The following MKI67 variants were observed in gnomAD, a reference collection of about 807,000 sequenced individuals.
MKI67 encodes the protein marker of proliferation Ki-67, also known as proliferation marker protein Ki-67.
MKI67 carries 152 observed loss-of-function variants against 233.5 expected under a neutral mutation model. The observed-to-expected ratio is 0.65, with a 90% confidence interval of 0.57 to 0.74. The LOEUF (loss-of-function observed/expected upper bound fraction) is 0.74, where lower values mean the gene tolerates loss of function less well. Among genes scored for constraint, MKI67 ranks in the 30% least tolerant of loss-of-function variants. The probability of loss-of-function intolerance (pLI) is 0.00; values close to 1 mark genes in which losing one functional copy is unlikely to be tolerated. For missense variants in MKI67, 3,940 were observed against 3,885.2 expected, an observed-to-expected ratio of 1.01 and a Z score of -0.37; for synonymous variants, 1,465 against 1,418.5, an observed-to-expected ratio of 1.03 and a Z score of -0.74.
In MKI67 at chr10:128,102,676, G is replaced by A; in HGVS notation, c.9164C>T (p.Ser3055Phe). 2 of 1,614,188 alleles carry A rather than the reference G, an allele frequency of 1.2e-6. No individual in the cohort carries two copies. The highest frequency in any genetic ancestry group is 2.7e-5 in the African/African-American group (2 of 75,042). Residue 3055 changes from serine (S) to phenylalanine (F), a missense_variant, in exon 13 of 15, where the codon TCT becomes TTT. Coordinates refer to ENST00000368654, the MANE Select transcript of MKI67 (RefSeq NM_002417.5). ...VVIMKRSLRT[S>F]AKRIEPAEEL... ...TTCCGCAGGTTCAATTCTTTTTGCA[G>A]AAGTCCTCAAACTTCTCTTCATGAT... is the stretch of plus-strand genomic sequence containing the variant.
At position 128,107,211 on chromosome 10, in the gene MKI67, T is replaced by C; in HGVS notation, c.4629A>G (p.Pro1543=). The change falls in exon 13 of 15, where the codon CCA becomes CCG. Residue 1543 remains proline (P), a synonymous_variant. Transcript: ENST00000368654. ...SAGKAMHTPK[P]AVSGEKNIYA... is the part of the protein sequence containing the mutation. ...AGATGTTTTTCTCACCACTTACTGC[T>C]GGTTTGGGTGTGTGCATGGCTTTGC... The C allele has an allele frequency of 6.2e-7, 1 of 1,614,138 alleles. No individual in the cohort carries two copies. The highest frequency in any genetic ancestry group is 1.1e-5 in the South Asian group (1 of 91,080).
At chr10:128,114,638 T>C (rs1443475404) in intron 7 of MKI67, among the ~76,000 whole-genome samples, 2 of 152,270 alleles carry the variant, frequency 1.3e-5, no homozygotes, top group African/African-American at 2.4e-5. Context: ...TATTTTGTGA[T>C]AGATGGAGGA....
Position 128,107,434 on chromosome 10 carries a change from C to T in MKI67, c.4406G>A (p.Gly1469Asp). Residue 1469 changes from glycine (G) to aspartate (D), a missense_variant, in exon 13 of 15, where the codon GGC (glycine) becomes GAC (aspartate). Physicochemically the swap from Gly to Asp is moderately conservative, Grantham distance 94. Coordinates refer to ENST00000368654, the MANE Select transcript of MKI67 (RefSeq NM_002417.5). ...EKAQPLEDLA[G>D]LKELFQTPVC... The stretch of plus-strand genomic sequence containing the variant: ...TGGTGTCTGGAAGAGCTCTTTCAAG[C>T]CAGCCAGGTCTTCTAGGGGTTGGGC... 1.2e-6 allele frequency: 2 copies of T among 1,614,068 alleles called. No individual in the cohort carries two copies. The highest frequency in any genetic ancestry group is 1.7e-6 in the Non-Finnish European group (2 of 1,180,012).
rs375899257 is a variant in MKI67, at chr10:128,116,023, T to C, written c.401-16A>G. 4.5e-6 allele frequency: 7 copies of C among 1,549,120 alleles called. No individual in the cohort carries two copies. The African/African-American group carries it at 9.7e-5, about 21-fold the overall frequency. On this transcript the variant is annotated splice_polypyrimidine_tract_variant and intron_variant, in intron 6 of 14. Coordinates refer to ENST00000368654, the MANE Select transcript of MKI67 (RefSeq NM_002417.5). ...GCTTTCTCATCTTGGCAATGAATTA[T>C]GAAATAAGAAACAGAAGTTCAGCAT...
chr10:128,112,329 G>A lies in MKI67; in HGVS notation c.1773C>T (p.Ala591=), dbSNP rs1249866159. Residue 591 remains alanine, a synonymous_variant, in exon 9 of 15, where the codon GCC becomes GCT. Transcript: ENST00000368654. ...TGCAGGACCTACGGCGTTGATCACT[G>A]GCAACTGGAGTTTTCCTAGGACTAG... is the stretch of plus-strand genomic sequence containing the variant. ...PAPSPRKTPV[A]SDQRRRSCKT... The A allele has an allele frequency of 1.9e-6, 3 of 1,614,162 alleles. No homozygotes were observed. The highest frequency in any genetic ancestry group is 2.2e-5 in the East Asian group (1 of 44,878).
At chr10:128,099,731 C>T (rs191486006) in intron 14 of MKI67, among the ~76,000 whole-genome samples, 39 of 152,264 alleles carry the variant, frequency 2.6e-4, no homozygotes, top group Admixed American at 2.0e-3. Flanking sequence ...GGAGAGGAAC[C>T]ATGGTGAAAA....
intron 5 of MKI67, among the ~76,000 whole-genome samples, chr10:128,117,301 G>A (rs968327283): frequency 6.6e-6 from 1 of 152,230 alleles, no homozygotes; most frequent in African/African-American, 2.4e-5. Context: ...CACTTGGCAT[G>A]TGCGCCCTCT....
rs1405615058 is a variant in MKI67, at chr10:128,108,800, G to A, written c.3040C>T (p.Pro1014Ser). ...TTTGTGTGTGTTGGGGTGTTTATTG[G>A]TTCTGGTTGTAATGACTGGCAGGGC... ...KMPCQSLQPE[P>S]INTPTHTKQQ... The change falls in exon 13 of 15, where the codon CCA becomes TCA. Residue 1014 changes from proline (P) to serine (S), a missense_variant. Coordinates refer to ENST00000368654, the MANE Select transcript of MKI67 (RefSeq NM_002417.5). 6.2e-7 allele frequency: 1 copy of A among 1,614,046 alleles called. No homozygotes were observed.
At position 128,108,952 on chromosome 10, in the gene MKI67, T is replaced by C; in HGVS notation, c.2888A>G (p.Asp963Gly). The C allele has an allele frequency of 6.2e-7, 1 of 1,614,238 alleles. No individual in the cohort carries two copies. The highest frequency in any genetic ancestry group is 8.5e-7 in the Non-Finnish European group (1 of 1,180,046). ...TWGQKCAPMSDLTDLKSLPDT... is the reference protein window; with the variant it reads ...TWGQKCAPMSGLTDLKSLPDT... ...AGGCAAGCTCTTGAGGTCTGTCAGG[T>C]CAGACATTGGTGCACATTTCTGCCC... The change falls in exon 13 of 15, where the codon GAC (aspartate) becomes GGC (glycine). Residue 963 changes from aspartate to glycine, a missense_variant. Transcript: ENST00000368654.
chr10:128,112,198 T>C lies in MKI67; in HGVS notation c.1904A>G (p.Gln635Arg), dbSNP rs764414810. 10 of 1,614,162 alleles carry C rather than the reference T, an allele frequency of 6.2e-6. No individual in the cohort carries two copies. The African/African-American group carries it at 1.3e-4, about 22-fold the overall frequency. The change falls in exon 9 of 15, where the codon CAA becomes CGA. Residue 635 changes from glutamine to arginine, a missense_variant. Coordinates refer to ENST00000368654, the MANE Select transcript of MKI67 (RefSeq NM_002417.5). ...PSKRVSISRSQHDILQMICSK... is the reference protein window; with the variant it reads ...PSKRVSISRSRHDILQMICSK... ...ACATATCATCTGTAAAATATCATGT[T>C]GACTTCGGCTGATAGACACTCTCTT...
In MKI67 at chr10:128,105,543, G is replaced by C. The variant is rs762943440; in HGVS notation, c.6297C>G (p.Thr2099=). 1.4e-5 allele frequency: 23 copies of C among 1,613,634 alleles called. No individual in the cohort carries two copies. In the Admixed American group the frequency reaches 3.8e-4, roughly 27 times the overall value. The change falls in exon 13 of 15, where the codon ACC becomes ACG. Residue 2099 remains threonine, a synonymous_variant. Coordinates refer to ENST00000368654, the MANE Select transcript of MKI67 (RefSeq NM_002417.5). The part of the protein sequence containing the change: ...TEESTTDDKT[T]KIACKSPPPE... Reference sequence around the variant, plus strand: ...GTGGTGGAGATTTGCAGGCTATTTTGGTAGTTTTGTCATCAGTTGTTGATT... The same window carrying C: ...GTGGTGGAGATTTGCAGGCTATTTTCGTAGTTTTGTCATCAGTTGTTGATT...
intron 13 of MKI67, 99 bp downstream of exon 13, chr10:128,102,480 G>T: frequency 7.0e-7 from 1 of 1,436,744 alleles, no homozygotes; most frequent in African/African-American, 1.4e-5. Flanking sequence ...TCTGGGGAAA[G>T]GATAACCACT....
chr10:128,116,467 G>A (rs1003668267), intron 6 of MKI67, 24 bp downstream of exon 6: 17 of 1,609,934 alleles, frequency 1.1e-5, no homozygotes, highest in Non-Finnish European at 1.4e-5. Flanking sequence ...CAGGATTCTG[G>A]AACAAAACCC....
Position 128,115,080 on chromosome 10 carries a change from G to A in MKI67, c.1328C>T (p.Pro443Leu). The A allele has an allele frequency of 1.2e-6, 2 of 1,613,916 alleles. No individual in the cohort carries two copies. The highest frequency in any genetic ancestry group is 1.6e-4 in the Middle Eastern group (1 of 6,062). Reference sequence around the variant, plus strand: ...TTGAGTGAGCCACAGAGTTAAAAATGGCTCATTGTGAATTTCAGTTTCCGT... The same window carrying A: ...TTGAGTGAGCCACAGAGTTAAAAATAGCTCATTGTGAATTTCAGTTTCCGT... ...LPTETEIHNE[P>L]FLTLWLTQVE... is the part of the protein sequence containing the mutation. Residue 443 changes from proline (P) to leucine (L), a missense_variant, in exon 7 of 15, where the codon CCA becomes CTA. Coordinates refer to ENST00000368654, the MANE Select transcript of MKI67 (RefSeq NM_002417.5).
At position 128,105,385 on chromosome 10, in the gene MKI67, T is replaced by A; in HGVS notation, c.6455A>T (p.Asp2152Val). 6 of 1,614,136 alleles carry A rather than the reference T, an allele frequency of 3.7e-6. No homozygotes were observed. Among genetic ancestry groups the A allele is most frequent in the Non-Finnish European group, 5.1e-6 (6 of 1,180,022 alleles). The part of the protein sequence containing the change: ...QTTHTDKVPG[D>V]EDKGINVFRE... ...GAACACGTTGATGCCTTTATCCTCA[T>A]CTCCTGGTACTTTGTCTGTGTGTGT... The change falls in exon 13 of 15, where the codon GAT (aspartate) becomes GTT (valine). Residue 2152 changes from aspartate (D) to valine (V), a missense_variant. Asp to Val is a radical substitution (Grantham distance 152). Coordinates refer to ENST00000368654, the MANE Select transcript of MKI67 (RefSeq NM_002417.5).
intron 13 of MKI67, among the ~76,000 whole-genome samples, 169 bp from the exon 14 acceptor site, chr10:128,101,870 T>C (rs1852344470): frequency 6.6e-6 from 1 of 152,244 alleles, no homozygotes; most frequent in African/African-American, 2.4e-5. Flanking sequence ...GGTAATGCCT[T>C]GGTACTTTGC....
chr10:128,113,037 A>G (rs1852715669), intron 8 of MKI67, among the ~76,000 whole-genome samples: 1 of 152,226 alleles, frequency 6.6e-6, no homozygotes, highest in Non-Finnish European at 1.5e-5. Flanking sequence ...AAATGCCTTA[A>G]CTATAGCCTT....
chr10:128,102,862 G>C lies in MKI67; in HGVS notation c.8978C>G (p.Pro2993Arg), dbSNP rs1303382573. The change falls in exon 13 of 15, where the codon CCA (proline) becomes CGA (arginine). Residue 2993 changes from proline (P) to arginine (R), a missense_variant. Transcript: ENST00000368654. ...SQSKSNTSLP[P>R]LPFKRGGGKD... The stretch of plus-strand genomic sequence containing the variant: ...GCCACCTCCCCTCTTGAAGGGCAGT[G>C]GGGGCAGGGAAGTGTTGCTTTTGCT... 1.9e-6 allele frequency: 3 copies of C among 1,614,186 alleles called. No homozygotes were observed. Among genetic ancestry groups the C allele is most frequent in the South Asian group, 1.1e-5 (1 of 91,088 alleles).
Position 128,099,084 on chromosome 10 carries a change from A to T in MKI67, c.*106T>A. 2.4e-6 allele frequency: 2 copies of T among 844,054 alleles called. No homozygotes were observed. The highest frequency in any genetic ancestry group is 3.6e-6 in the Non-Finnish European group (2 of 549,560). 52.3% of individuals were successfully genotyped at this position (844,054 alleles called of 1,614,324 possible). ...TCCAAAGTTTTCTTCCCTTAAGCAG[A>T]CTGACAGCCTTACTTACAGAATTCA... On this transcript the variant is annotated 3_prime_UTR_variant, in exon 15 of 15. Transcript: ENST00000368654.
Sources: gnomAD v4.1 joint callset for allele counts (sites outside exome capture counted in the v4.1 genomes callset) on GRCh38, gnomAD v4.1.1 for gene constraint, MANE v1.5 for transcripts, NCBI Gene and HGNC (gene_info 2026-07-23, HGNC 2026-07-21) for gene names.